The following GPR158 variants were observed in gnomAD, a reference collection of about 807,000 sequenced individuals.
GPR158 encodes the protein G protein-coupled receptor 158, also known as metabotropic glycine receptor.
Under a neutral mutation model 78.2 loss-of-function variants are expected in GPR158, and 30 were observed. The observed-to-expected ratio is 0.38, with a 90% CI of 0.29 to 0.52. The LOEUF is 0.52. GPR158 is among the 20% of genes least tolerant of loss of function. The pLI, the probability that GPR158 is intolerant of heterozygous loss-of-function variation, is 0.83. For missense variants in GPR158, 1,463 were observed against 1,523.5 expected, an observed-to-expected ratio of 0.96 and a Z score of 0.66; for synonymous variants, 581 against 591.1, an observed-to-expected ratio of 0.98 and a Z score of 0.25.
intron 2 of GPR158, among the ~76,000 whole-genome samples, chr10:25,295,065 A>G (rs1854493128): frequency 6.6e-6 from 1 of 152,198 alleles, no homozygotes; most frequent in Non-Finnish European, 1.5e-5. Context: ...GCCCTTTCTC[A>G]ATCTGTCCCT....
chr10:25,441,235 G>A (rs79015291), intron 4 of GPR158, among the ~76,000 whole-genome samples: 2,132 of 152,234 alleles, frequency 0.014, 59 homozygotes, highest in African/African-American at 0.049. Flanking sequence ...AGAAGTCATG[G>A]TTCTGGTGCT....
chr10:25,486,087 C>T (rs944071090), intron 5 of GPR158, among the ~76,000 whole-genome samples: 7 of 152,074 alleles, frequency 4.6e-5, no homozygotes, highest in Non-Finnish European at 7.4e-5. Context: ...CTCCAGGACT[C>T]GGAGAAATAA....
intron 5 of GPR158, among the ~76,000 whole-genome samples, chr10:25,523,898 T>C (rs994020601): frequency 3.9e-5 from 6 of 152,206 alleles, no homozygotes; most frequent in Admixed American, 2.6e-4. Flanking sequence ...ACTGTCTCTA[T>C]TTGCAGATGA....
chr10:25,568,819 A>G lies in GPR158; in HGVS notation c.1515-3830A>G, dbSNP rs12242820. Among the ~76,000 whole-genome samples the G allele has an allele frequency of 8.9e-3, 1,355 of 152,204 alleles. 22 individuals carry two copies. The highest frequency in any genetic ancestry group is 0.031 in the African/African-American group (1,308 of 41,528). ...GAAGTTTCTTGCAGTCTTCCCATAT[A>G]TGTTGGGCTTTCCTTCAGAAATAGT... On this transcript the variant is annotated intron_variant, in intron 6 of 10. Transcript: ENST00000376351.
In GPR158 at chr10:25,601,862, GA is replaced by G. The variant is rs1837503781; in HGVS notation, c.*2590del. The G allele has an allele frequency of 6.6e-6, 1 of 152,596 alleles. No individual in the cohort carries two copies. Among genetic ancestry groups the G allele is most frequent in the South Asian group, 2.1e-4 (1 of 4,824 alleles). The allele number at this position is 152,596 out of a possible 1,614,324, so 9.5% of individuals were successfully genotyped here. A position where few individuals can be genotyped will look rare whatever the true frequency, so the allele number is the denominator to read the frequency against. On this transcript the variant is annotated 3_prime_UTR_variant, in exon 11 of 11. Coordinates refer to ENST00000376351, the MANE Select transcript of GPR158 (RefSeq NM_020752.3). ...AAGTAGATTTATACCAATCTTAATA[GA>G]ATTGTATATTTTATGCAAGAATTAA...
chr10:25,559,808 C>T (rs1268035334), intron 6 of GPR158, among the ~76,000 whole-genome samples: 1 of 151,984 alleles, frequency 6.6e-6, no homozygotes, highest in African/African-American at 2.4e-5. Context: ...ATACTTTGAC[C>T]ATGTATTACA....
chr10:25,596,934 A>T (rs1324487538), intron 10 of GPR158, 145 bp downstream of exon 10: 3 of 676,222 alleles, frequency 4.4e-6, no homozygotes, highest in African/African-American at 1.8e-5. Flanking sequence ...GTGTTTGGGT[A>T]TGAACTGAAG....
chr10:25,585,270 G>A (rs1837252476), intron 7 of GPR158, among the ~76,000 whole-genome samples: 1 of 152,172 alleles, frequency 6.6e-6, no homozygotes, highest in African/African-American at 2.4e-5. Flanking sequence ...ACATGAAACT[G>A]ACATCATTTA....
chr10:25,213,754 T>C (rs1853167135), intron 1 of GPR158, among the ~76,000 whole-genome samples: 1 of 152,188 alleles, frequency 6.6e-6, no homozygotes, highest in Admixed American at 6.5e-5. Flanking sequence ...ATGATTTAAA[T>C]TTTTTATGCT....
At chr10:25,562,874 G>T (rs1205602696) in intron 6 of GPR158, among the ~76,000 whole-genome samples, 1 of 152,136 alleles carries the variant, frequency 6.6e-6, no homozygotes, top group Non-Finnish European at 1.5e-5. Context: ...GCAGGACCTT[G>T]AAGTCTCCAA....
At chr10:25,371,597 C>A (rs999285877) in intron 2 of GPR158, among the ~76,000 whole-genome samples, 8 of 144,960 alleles carry the variant, frequency 5.5e-5, no homozygotes, top group Non-Finnish European at 7.6e-5. Flanking sequence ...GAAAAACAAG[C>A]AATGGGGAAA....
At chr10:25,322,349 C>G (rs923040995) in intron 2 of GPR158, among the ~76,000 whole-genome samples, 5 of 151,610 alleles carry the variant, frequency 3.3e-5, no homozygotes, top group African/African-American at 1.2e-4. Context: ...CCACTGCACT[C>G]CAGCCTGGGT....
chr10:25,360,244 CT>C (rs1428394435), intron 2 of GPR158, among the ~76,000 whole-genome samples: 1 of 151,960 alleles, frequency 6.6e-6, no homozygotes, highest in Non-Finnish European at 1.5e-5. Flanking sequence ...CTGTGCAGTT[CT>C]TTAGTTTAAT....
chr10:25,302,859 T>A (rs1379394683), intron 2 of GPR158, among the ~76,000 whole-genome samples: 1 of 152,162 alleles, frequency 6.6e-6, no homozygotes, highest in Non-Finnish European at 1.5e-5. Context: ...AATGGATTTT[T>A]AAAAACAACT....
chr10:25,209,919 C>CT (rs1853105738), intron 1 of GPR158, among the ~76,000 whole-genome samples: 1 of 152,164 alleles, frequency 6.6e-6, no homozygotes, highest in South Asian at 2.1e-4. Context: ...TGCTCTTGTA[C>CT]TTTTTGTAGT....
At chr10:25,252,314 C>A (rs1020107330) in intron 2 of GPR158, among the ~76,000 whole-genome samples, 2 of 152,222 alleles carry the variant, frequency 1.3e-5, no homozygotes, top group South Asian at 4.1e-4. Flanking sequence ...TCTCTCAGCT[C>A]GTCAAAGTCA....
At chr10:25,289,580 C>T (rs1854404836) in intron 2 of GPR158, among the ~76,000 whole-genome samples, 1 of 151,918 alleles carries the variant, frequency 6.6e-6, no homozygotes. Flanking sequence ...CTACAGGCGC[C>T]CACCACCACC....
At chr10:25,378,214 G>T (rs552030955) in intron 2 of GPR158, among the ~76,000 whole-genome samples, 1 of 152,152 alleles carries the variant, frequency 6.6e-6, no homozygotes, top group South Asian at 2.1e-4. Context: ...ATTCAATTTT[G>T]CTCTTTCAAT....
chr10:25,297,471 A>C (rs1854532244), intron 2 of GPR158, among the ~76,000 whole-genome samples: 1 of 152,184 alleles, frequency 6.6e-6, no homozygotes, highest in South Asian at 2.1e-4. Flanking sequence ...TTGGACCAAG[A>C]ACCCAGAAGC....
Sources: allele counts gnomAD v4.1 joint callset (sites outside exome capture counted in the v4.1 genomes callset), GRCh38; gene constraint gnomAD v4.1.1; transcripts MANE v1.5; gene names NCBI Gene and HGNC (gene_info 2026-07-23, HGNC 2026-07-21).